XPO7: variants seen among roughly 807,000 people sequenced by gnomAD.
XPO7 encodes the protein exportin 7.
XPO7 carries 21 observed loss-of-function variants against 144.3 expected under a neutral mutation model. The ratio of observed to expected loss-of-function variants is 0.15; its 90% CI spans 0.10 to 0.21. XPO7 has a LOEUF of 0.21. Among genes scored for constraint, XPO7 ranks in the 10% least tolerant of loss-of-function variants. The pLI is 1.00. For synonymous variants in XPO7, 580 were observed against 499.6 expected (o/e 1.16, Z -2.15); for missense variants, 808 against 1,325.8 (o/e 0.61, Z 6.06).
intron 9 of XPO7, 53 bp from the exon 10 acceptor site, chr8:21,981,678 G>A: frequency 6.2e-7 from 1 of 1,601,272 alleles, no homozygotes; most frequent in South Asian, 1.1e-5. Flanking sequence ...CATCATTCTT[G>A]AAGTATGTTA....
Position 21,988,990 on chromosome 8 carries a change from T to C in XPO7, c.1788-13T>C, listed in dbSNP as rs1310126546. On this transcript the variant is annotated splice_polypyrimidine_tract_variant and intron_variant, in intron 15 of 27. Coordinates refer to ENST00000252512, the MANE Select transcript of XPO7 (RefSeq NM_015024.5). ...AAGGGTCTCCTGCTTTTTTTTTTCT[T>C]TTTGTCCTCCAGCATCACCAACTTG... is the stretch of plus-strand genomic sequence containing the variant. 6.2e-7 allele frequency: 1 copy of C among 1,610,984 alleles called. No individual in the cohort carries two copies. Among genetic ancestry groups the C allele is most frequent in the Non-Finnish European group, 8.5e-7 (1 of 1,179,178 alleles).
intron 1 of XPO7, among the ~76,000 whole-genome samples, chr8:21,939,908 C>T (rs527505071): frequency 4.5e-4 from 68 of 152,300 alleles, no homozygotes; most frequent in Admixed American, 2.0e-3. Context: ...ATTTTCTTTG[C>T]ATATGTGTTA....
chr8:21,972,203 T>C (rs185225915), intron 5 of XPO7, among the ~76,000 whole-genome samples: 17 of 152,042 alleles, frequency 1.1e-4, no homozygotes, highest in Non-Finnish European at 2.2e-4. Context: ...GTACTAATTA[T>C]CATTTTAGAG....
intron 20 of XPO7, 83 bp downstream of exon 20, chr8:21,994,534 G>C: frequency 7.9e-7 from 1 of 1,271,568 alleles, no homozygotes; most frequent in Non-Finnish European, 1.1e-6. Context: ...GACGGTGTAG[G>C]GGGAAGGGAG....
intron 1 of XPO7, among the ~76,000 whole-genome samples, chr8:21,949,353 G>C (rs1203019594): frequency 6.6e-6 from 1 of 152,168 alleles, no homozygotes; most frequent in Non-Finnish European, 1.5e-5. Context: ...TGCCTGCCTA[G>C]AGGCAGTTGC....
rs1327678908 is a variant in XPO7 at position 22,004,047 on chromosome 8, C to T, written c.3170+17C>T. 1 of 1,613,282 alleles carries T rather than the reference C, an allele frequency of 6.2e-7. No individual in the cohort carries two copies. Among genetic ancestry groups the T allele is most frequent in the Non-Finnish European group, 8.5e-7 (1 of 1,179,442 alleles). On this transcript the variant is annotated intron_variant, in intron 27 of 27. Transcript: ENST00000252512. Reference sequence around the variant, plus strand: ...CAGAGACAGGTGAGTATAAAGCGTCCTGCCTAGAAATCTCAGACAATTGCT... The same window carrying T: ...CAGAGACAGGTGAGTATAAAGCGTCTTGCCTAGAAATCTCAGACAATTGCT...
In XPO7 at chr8:21,939,183, T is replaced by C. The variant is rs1473168069; in HGVS notation, c.18+19395T>C. 2.0e-5 allele frequency among the ~76,000 whole-genome samples: 3 copies of C among 152,094 alleles called. No individual in the cohort carries two copies. In the East Asian group the frequency reaches 5.8e-4, roughly 29 times the overall value. On this transcript the variant is annotated intron_variant, in intron 1 of 27. Transcript: ENST00000252512. ...CGCTTTGCCTATGGAATATACCCAT[T>C]GTTTTCAAGCAATAATTTGGTTTTG...
Position 22,006,100 on chromosome 8 carries a change from G to C in XPO7, c.*1012G>C, listed in dbSNP as rs1428512149. ...CAGTGTGTGTGGATGTATGCGTGTG[G>C]ATATTTATATATGTACCCTGCACTC... On this transcript the variant is annotated 3_prime_UTR_variant, in exon 28 of 28. Transcript: ENST00000252512. 1.3e-5 allele frequency: 2 copies of C among 152,256 alleles called. No homozygotes were observed. The highest frequency in any genetic ancestry group is 3.9e-4 in the East Asian group (2 of 5,186). The allele number at this position is 152,256 out of a possible 1,614,324, so 9.4% of individuals were successfully genotyped here.
At chr8:22,004,231 A>G (rs1301569931) in intron 27 of XPO7, among the ~76,000 whole-genome samples, 2 of 152,208 alleles carry the variant, frequency 1.3e-5, no homozygotes, top group Non-Finnish European at 2.9e-5. Context: ...TATCTAAAAT[A>G]TTGTATCAGT....
At position 21,976,379 on chromosome 8, in the gene XPO7, G is replaced by A. The variant is rs1160916173; in HGVS notation, c.621G>A (p.Leu207=). 4.3e-6 allele frequency: 7 copies of A among 1,613,890 alleles called. No individual in the cohort carries two copies. Among genetic ancestry groups the A allele is most frequent in the African/African-American group, 1.3e-5 (1 of 75,040 alleles). ...LKQASGKNLN[L]NDESQHGLLM... ...AGGCTTCAGGAAAGAATCTAAACTT[G>A]AATGATGAAAGTCAGCATGGCTTGC... Residue 207 remains leucine, a synonymous_variant, in exon 7 of 28, where the codon TTG becomes TTA. Coordinates refer to ENST00000252512, the MANE Select transcript of XPO7 (RefSeq NM_015024.5).
At chr8:21,965,224 T>A (rs1352797944) in intron 1 of XPO7, among the ~76,000 whole-genome samples, 1 of 152,176 alleles carries the variant, frequency 6.6e-6, no homozygotes, top group African/African-American at 2.4e-5. Flanking sequence ...GAAGGAGATT[T>A]AATGCCTTGT....
At chr8:21,972,508 T>C (rs899561413) in intron 5 of XPO7, among the ~76,000 whole-genome samples, 14 of 152,166 alleles carry the variant, frequency 9.2e-5, no homozygotes, top group African/African-American at 3.1e-4. Flanking sequence ...GCCTTGCCCA[T>C]GAAGGAGAAT....
intron 1 of XPO7, among the ~76,000 whole-genome samples, chr8:21,923,178 A>G (rs1810347325): frequency 6.6e-6 from 1 of 152,264 alleles, no homozygotes; most frequent in African/African-American, 2.4e-5. Flanking sequence ...GACTAATACC[A>G]GAATGCTTAG....
In XPO7 at chr8:22,006,041, G is replaced by C. The variant is rs1813319831; in HGVS notation, c.*953G>C. 2 of 152,290 alleles carry C rather than the reference G, an allele frequency of 1.3e-5. No individual in the cohort carries two copies. The highest frequency in any genetic ancestry group is 4.1e-4 in the South Asian group (2 of 4,826). 9.4% of individuals were successfully genotyped at this position (152,290 alleles called of 1,614,324 possible). ...TCCACCAGAGGCCCTGCTGTGTGTG[G>C]CCAATAAATTTTAGTCTTCCCCAGC... is the stretch of plus-strand genomic sequence containing the variant. On this transcript the variant is annotated 3_prime_UTR_variant, in exon 28 of 28. Coordinates refer to ENST00000252512, the MANE Select transcript of XPO7 (RefSeq NM_015024.5).
intron 1 of XPO7, among the ~76,000 whole-genome samples, chr8:21,959,954 T>C (rs1173073429): frequency 6.6e-6 from 1 of 152,190 alleles, no homozygotes; most frequent in Non-Finnish European, 1.5e-5. Context: ...TTAACCGAAT[T>C]TGGTGAAGCA....
chr8:21,961,431 G>T (rs745477908), intron 1 of XPO7, among the ~76,000 whole-genome samples: 2 of 151,932 alleles, frequency 1.3e-5, no homozygotes, highest in African/African-American at 2.4e-5. Flanking sequence ...GCTCAGGCTG[G>T]TTCTGAACTC....
rs1484138551 is a variant in XPO7 at position 21,974,683 on chromosome 8, A to T, written c.506A>T (p.His169Leu). Reference sequence around the variant, plus strand: ...TTTTCTGCACAGGCAGACACCACCCATCCTTTAACCAAGCACAGAAAAATA... The same window carrying T: ...TTTTCTGCACAGGCAGACACCACCCTTCCTTTAACCAAGCACAGAAAAATA... Reference protein sequence around the residue: ...TNEINQADTTHPLTKHRKIAS... With the variant: ...TNEINQADTTLPLTKHRKIAS... Residue 169 changes from histidine (H) to leucine (L), a missense_variant, in exon 6 of 28, where the codon CAT (histidine) becomes CTT (leucine). Around this residue, in one of 5 missense-constraint regions of XPO7, gnomAD observed 223 missense variants for 368.8 expected, o/e 0.60. Coordinates refer to ENST00000252512, the MANE Select transcript of XPO7 (RefSeq NM_015024.5). The T allele has an allele frequency of 6.3e-7, 1 of 1,590,284 alleles. No homozygotes were observed.
chr8:21,929,055 C>G (rs1229442566), intron 1 of XPO7, among the ~76,000 whole-genome samples: 1 of 152,202 alleles, frequency 6.6e-6, no homozygotes, highest in East Asian at 1.9e-4. Flanking sequence ...CAGTATGTTT[C>G]TAACCCAAGC....
At chr8:21,925,398 C>A (rs770172840) in intron 1 of XPO7, among the ~76,000 whole-genome samples, 1 of 152,172 alleles carries the variant, frequency 6.6e-6, no homozygotes, top group African/African-American at 2.4e-5. Context: ...TAATTGATAT[C>A]ATTTAATGCT....
Sources: allele counts gnomAD v4.1 joint callset (sites outside exome capture counted in the v4.1 genomes callset), GRCh38; gene constraint gnomAD v4.1.1; regional missense constraint gnomAD v4.1.1; transcripts MANE v1.5; gene names NCBI Gene and HGNC (gene_info 2026-07-23, HGNC 2026-07-21).